The following TCP11L2 variants were observed in gnomAD, a reference collection of about 807,000 sequenced individuals.
TCP11L2 encodes T-complex protein 11-like protein 2.
In TCP11L2, 39 loss-of-function variants were observed where a neutral mutation model predicts 50.7. The observed-to-expected ratio is 0.77, with a 90% CI of 0.60 to 1.01. The LOEUF (loss-of-function observed/expected upper bound fraction) is 1.01. TCP11L2 is among the 50% of genes least tolerant of loss of function. The pLI, the probability that TCP11L2 is intolerant of heterozygous loss-of-function variation, is 0.00. For synonymous variants in TCP11L2, 192 were observed against 219.3 expected (o/e 0.88, Z 1.10); for missense variants, 612 against 614.7 (o/e 1.00, Z 0.05).
Position 106,314,373 on chromosome 12 carries a change from G to T in TCP11L2, c.173G>T (p.Arg58Met). The T allele has an allele frequency of 6.2e-7, 1 of 1,609,378 alleles. No homozygotes were observed. Among genetic ancestry groups the T allele is most frequent in the Non-Finnish European group, 8.5e-7 (1 of 1,176,074 alleles). ...TTTCTTTCAGCAACAAGCCCTCCAA[G>T]GGTTGTAACATTTGATGAAGTGATG... ...SSSPASTSPPRVVTFDEVMAT... is the reference protein window; with the variant it reads ...SSSPASTSPPMVVTFDEVMAT... Residue 58 changes from arginine to methionine, a missense_variant, in exon 3 of 10, where the codon AGG (arginine) becomes ATG (methionine). Arg to Met is a moderately conservative substitution (Grantham distance 91, BLOSUM62 -1). Transcript: ENST00000299045.
intron 1 of TCP11L2, chr12:106,303,600 G>A (rs559567730): frequency 9.8e-5 from 15 of 152,402 alleles, no homozygotes; most frequent in African/African-American, 3.6e-4. Flanking sequence ...TGAACCCTCA[G>A]GTGTTGCTTG....
chr12:106,318,035 T>A (rs544100336), intron 3 of TCP11L2, among the ~76,000 whole-genome samples: 1 of 152,326 alleles, frequency 6.6e-6, no homozygotes, highest in East Asian at 1.9e-4. Context: ...TAAAGATCTA[T>A]ATAGAAGGGT....
intron 6 of TCP11L2, among the ~76,000 whole-genome samples, chr12:106,331,737 A>T (rs902458351): frequency 2.0e-5 from 3 of 152,182 alleles, no homozygotes; most frequent in African/African-American, 7.2e-5. Context: ...CGAAGTTGAG[A>T]CTGCCTGGCT....
At chr12:106,327,028 A>G (rs1447167416) in intron 6 of TCP11L2, among the ~76,000 whole-genome samples, 1 of 152,236 alleles carries the variant, frequency 6.6e-6, no homozygotes. Flanking sequence ...GGTTGCTTTC[A>G]TTTGTGTACC....
In TCP11L2 at chr12:106,341,007, T is replaced by C; in HGVS notation, c.1315+9T>C. The C allele has an allele frequency of 6.3e-7, 1 of 1,585,244 alleles. No homozygotes were observed. The highest frequency in any genetic ancestry group is 1.4e-5 in the African/African-American group (1 of 73,674). ...TATCTGGTCCTTGATTGGTGAGTCC[T>C]TTTATTGATTTCTGCTTCAATTCCA... is the stretch of plus-strand genomic sequence containing the variant. On this transcript the variant is annotated intron_variant, in intron 9 of 9. Coordinates refer to ENST00000299045, the MANE Select transcript of TCP11L2 (RefSeq NM_152772.3).
At chr12:106,329,261 C>T in intron 6 of TCP11L2, 1 of 1,523,836 alleles carries the variant, frequency 6.6e-7, no homozygotes, top group Non-Finnish European at 8.8e-7. Flanking sequence ...ATACCTGGGA[C>T]TGAGTAGGTG....
chr12:106,307,824 CA>C (rs991821731), intron 1 of TCP11L2, among the ~76,000 whole-genome samples: 4 of 151,842 alleles, frequency 2.6e-5, no homozygotes, highest in East Asian at 1.9e-4. Context: ...ATGATATTAA[CA>C]AAAAAAAGCA....
In TCP11L2 at chr12:106,310,367, A is replaced by G. The variant is rs76837917; in HGVS notation, c.-35-674A>G. Among the ~76,000 whole-genome samples, 475 of 152,320 alleles carry G rather than the reference A, an allele frequency of 3.1e-3. 3 individuals are homozygous for G. Among genetic ancestry groups the G allele is most frequent in the African/African-American group, 0.011 (447 of 41,562 alleles). The stretch of plus-strand genomic sequence containing the variant: ...TATCAGGTCTTAATCTTCATATCAC[A>G]GCAGTTCATGTGGAAATGGAGGGGG... On this transcript the variant is annotated intron_variant, in intron 1 of 9. Coordinates refer to ENST00000299045, the MANE Select transcript of TCP11L2 (RefSeq NM_152772.3).
At chr12:106,302,319 TCCCC>T (rs1186487716), upstream of TCP11L2, among the ~76,000 whole-genome samples, 1 of 12,244 alleles carries the variant, frequency 8.2e-5, no homozygotes, top group Admixed American at 8.3e-4. Context: ...CAGCCCCCGC[TCCCC>T]CCGCTCAGCC....
At chr12:106,316,780 TC>T (rs2035101788) in intron 3 of TCP11L2, among the ~76,000 whole-genome samples, 1 of 152,212 alleles carries the variant, frequency 6.6e-6, no homozygotes, top group African/African-American at 2.4e-5. Context: ...TATTCCCAGT[TC>T]CTAAAACAGG....
chr12:106,305,698 A>G (rs533905232), intron 1 of TCP11L2, among the ~76,000 whole-genome samples: 1 of 152,300 alleles, frequency 6.6e-6, no homozygotes, highest in East Asian at 1.9e-4. Flanking sequence ...AGATGCAGTG[A>G]GTGTAGCAAT....
At chr12:106,334,760 G>A (rs552258676) in intron 6 of TCP11L2, among the ~76,000 whole-genome samples, 1 of 152,246 alleles carries the variant, frequency 6.6e-6, no homozygotes, top group South Asian at 2.1e-4. Context: ...GGCCAACATG[G>A]TGAAACCCCA....
chr12:106,346,729 C>G lies in TCP11L2; in HGVS notation c.*199C>G. ...TCAGAAGACGTAAACATCACATAGACCCTATTTGTGCATCATTTTCAAGTT... is the reference window on the plus strand; with the variant it reads ...TCAGAAGACGTAAACATCACATAGAGCCTATTTGTGCATCATTTTCAAGTT... On this transcript the variant is annotated 3_prime_UTR_variant, in exon 10 of 10. Transcript: ENST00000299045. 9.7e-6 allele frequency: 5 copies of G among 517,432 alleles called. No homozygotes were observed. Among genetic ancestry groups the G allele is most frequent in the Non-Finnish European group, 1.6e-5 (5 of 309,918 alleles). The allele number at this position is 517,432 out of a possible 1,614,324, so 32.1% of individuals were successfully genotyped here.
intron 1 of TCP11L2, chr12:106,303,387 C>G (rs577155380): frequency 2.0e-4 from 30 of 152,516 alleles, no homozygotes; most frequent in African/African-American, 6.5e-4. Flanking sequence ...GATTTGTTGC[C>G]GTGGTTTCCC....
chr12:106,319,687 T>G (rs998917031), intron 4 of TCP11L2, among the ~76,000 whole-genome samples: 2 of 152,254 alleles, frequency 1.3e-5, no homozygotes, highest in Non-Finnish European at 2.9e-5. Context: ...GTTCATTTCT[T>G]CTTATCAGAA....
chr12:106,316,258 T>C (rs1240571502), intron 3 of TCP11L2, among the ~76,000 whole-genome samples: 1 of 128,388 alleles, frequency 7.8e-6, no homozygotes, highest in Non-Finnish European at 1.7e-5. Context: ...CCATATCCAG[T>C]AGCCTTAATG....
upstream of TCP11L2, among the ~76,000 whole-genome samples, chr12:106,302,321 CCCCCGCTCAG>C: frequency 2.3e-5 from 1 of 43,172 alleles, no homozygotes; most frequent in Non-Finnish European, 5.2e-5. Context: ...GCCCCCGCTC[CCCCCGCTCAG>C]CCCCCGCTCA....
At position 106,323,415 on chromosome 12, in the gene TCP11L2, A is replaced by T. The variant is rs1332421209; in HGVS notation, c.636-95A>T. 8.0e-6 allele frequency: 9 copies of T among 1,119,202 alleles called. No individual in the cohort carries two copies. The Admixed American group carries it at 2.7e-4, about 34-fold the overall frequency. The allele number at this position is 1,119,202 out of a possible 1,614,324, so 69.3% of individuals were successfully genotyped here. On this transcript the variant is annotated intron_variant, in intron 5 of 9. Transcript: ENST00000299045. ...TTGGAACTTTAAAACCATTTTGGGG[A>T]TGTTTATTGTTTTCAGCCTGGAACA...
chr12:106,337,167 C>T (rs547278548), intron 8 of TCP11L2, among the ~76,000 whole-genome samples: 2 of 152,276 alleles, frequency 1.3e-5, no homozygotes, highest in Non-Finnish European at 2.9e-5. Flanking sequence ...TCTTCAGAGG[C>T]ATGTCCTCTT....
Sources: gnomAD v4.1 joint callset for allele counts (sites outside exome capture counted in the v4.1 genomes callset) on GRCh38, gnomAD v4.1.1 for gene constraint, MANE v1.5 for transcripts, NCBI Gene and HGNC (gene_info 2026-07-23, HGNC 2026-07-21) for gene names.